Variants in ANAPC7 observed in about 807,000 individuals in gnomAD.
The protein encoded by ANAPC7 is anaphase-promoting complex subunit 7.
ANAPC7 carries 25 observed loss-of-function variants against 63.3 expected under a neutral mutation model. The observed-to-expected ratio is 0.39, with a 90% confidence interval of 0.29 to 0.55. ANAPC7 has a LOEUF of 0.55. ANAPC7 is among the 20% of genes least tolerant of loss of function. ANAPC7 has a pLI of 0.57. For synonymous variants in ANAPC7, 241 were observed against 251.7 expected (o/e 0.96, Z 0.40); for missense variants, 516 against 691.7 (o/e 0.75, Z 2.85).
intron 9 of ANAPC7, 121 bp from the exon 10 acceptor site, chr12:110,376,337 C>T: frequency 9.2e-7 from 1 of 1,083,606 alleles, no homozygotes; most frequent in East Asian, 2.5e-5. Context: ...CGAGGGCAAG[C>T]ACACCTGAAG....
chr12:110,396,513 CTTCT>C (rs1384044357), intron 1 of ANAPC7, 61 bp from the exon 2 acceptor site: 62 of 1,342,022 alleles, frequency 4.6e-5, no homozygotes, highest in East Asian at 2.5e-5. Context: ...GCTCCCCCAG[CTTCT>C]TTTTTTTTTT....
At chr12:110,389,038 C>T (rs1021286230) in intron 3 of ANAPC7, among the ~76,000 whole-genome samples, 11 of 148,332 alleles carry the variant, frequency 7.4e-5, no homozygotes, top group African/African-American at 2.3e-4. Flanking sequence ...ACCGACATCA[C>T]GCCACTGCAC....
At chr12:110,401,178 T>C (rs1592934379) in intron 1 of ANAPC7, among the ~76,000 whole-genome samples, 2 of 152,198 alleles carry the variant, frequency 1.3e-5, no homozygotes, top group Admixed American at 1.3e-4. Flanking sequence ...GGCCAAACAC[T>C]AATACATCTA....
In ANAPC7 at chr12:110,384,978, C is replaced by T. The variant is rs192316415; in HGVS notation, c.817+1349G>A. On this transcript the variant is annotated intron_variant, in intron 6 of 10. Coordinates refer to ENST00000455511, the MANE Select transcript of ANAPC7 (RefSeq NM_016238.3). ...AATGCAGTTCATTAAAGATCACTGC[C>T]TCGGGCTGGGTGCAGTGGCTCAGGC... is the stretch of plus-strand genomic sequence containing the variant. Among the ~76,000 whole-genome samples the T allele has an allele frequency of 1.3e-3, 204 of 152,256 alleles. 1 individual carries two copies. The highest frequency in any genetic ancestry group is 2.7e-3 in the South Asian group (13 of 4,828).
At chr12:110,383,892 A>AG (rs1388816554) in intron 6 of ANAPC7, among the ~76,000 whole-genome samples, 16 of 131,692 alleles carry the variant, frequency 1.2e-4, no homozygotes, top group Non-Finnish European at 4.8e-5. Flanking sequence ...AAAAAAAAAA[A>AG]AAAAAAGAAA....
At chr12:110,378,959 A>T (rs1472037402) in intron 8 of ANAPC7, 1 of 151,786 alleles carries the variant, frequency 6.6e-6, no homozygotes, top group Admixed American at 6.6e-5. Flanking sequence ...CCTGGGTTCA[A>T]GCAATTCTCC....
chr12:110,380,275 C>T (rs1185650842), intron 8 of ANAPC7, among the ~76,000 whole-genome samples: 2 of 151,878 alleles, frequency 1.3e-5, no homozygotes, highest in African/African-American at 4.8e-5. Flanking sequence ...CACTTAAACC[C>T]GGCAAGTGGA....
chr12:110,397,790 G>A (rs538130688), intron 1 of ANAPC7, among the ~76,000 whole-genome samples: 1 of 152,064 alleles, frequency 6.6e-6, no homozygotes, highest in Admixed American at 6.6e-5. Flanking sequence ...ACCTACTCGG[G>A]AGGTTGAGAC....
intron 1 of ANAPC7, among the ~76,000 whole-genome samples, chr12:110,398,059 A>G (rs970953590): frequency 1.3e-5 from 2 of 152,014 alleles, no homozygotes; most frequent in Non-Finnish European, 2.9e-5. Flanking sequence ...TAGCCTGGCC[A>G]ATAAGGTGAA....
Position 110,381,827 on chromosome 12 carries a change from C to G in ANAPC7, c.1057G>C (p.Gly353Arg). ...TGGATTATTGCTTCTTGGACTCTGC[C>G]CATGTTCCTAAGTGCTGCTCCCTTA... The part of the protein sequence containing the change: ...LLKGAALRNM[G>R]RVQEAIIHFR... Residue 353 changes from glycine (G) to arginine (R), a missense_variant, in exon 8 of 11, where the codon GGC becomes CGC. Gly to Arg is a moderately radical substitution (Grantham distance 125). Around this residue, in one of 4 missense-constraint regions of ANAPC7, gnomAD observed 199 missense variants for 249.3 expected, o/e 0.80. Coordinates refer to ENST00000455511, the MANE Select transcript of ANAPC7 (RefSeq NM_016238.3). 9 of 1,613,968 alleles carry G rather than the reference C, an allele frequency of 5.6e-6. No homozygotes were observed. The highest frequency in any genetic ancestry group is 7.6e-6 in the Non-Finnish European group (9 of 1,180,008).
chr12:110,402,950 C>T (rs2062253672), intron 1 of ANAPC7, among the ~76,000 whole-genome samples: 1 of 151,476 alleles, frequency 6.6e-6, no homozygotes, highest in Admixed American at 6.6e-5. Context: ...CTATGTTGCC[C>T]AGGTTGGTCT....
chr12:110,395,731 C>T (rs149357519), intron 2 of ANAPC7, among the ~76,000 whole-genome samples: 3 of 151,980 alleles, frequency 2.0e-5, no homozygotes, highest in East Asian at 1.9e-4. Flanking sequence ...GTAGAGACGG[C>T]GTTTCACCGT....
Position 110,376,184 on chromosome 12 carries a change from A to G in ANAPC7, c.1390T>C (p.Leu464=). Residue 464 remains leucine, a synonymous_variant, in exon 10 of 11, where the codon TTG becomes CTG. Transcript: ENST00000455511. The part of the protein sequence containing the change: ...REQKYEDGIA[L]LRNALANQSD... The stretch of plus-strand genomic sequence containing the variant: ...TGATTAGCCAGTGCGTTCCTCAGCA[A>G]AGCAATTCCATCTTCATATTTCTGT... 1.9e-6 allele frequency: 3 copies of G among 1,614,188 alleles called. No homozygotes were observed. Among genetic ancestry groups the G allele is most frequent in the South Asian group, 2.2e-5 (2 of 91,082 alleles).
rs756144574 is a variant in ANAPC7 at position 110,377,635 on chromosome 12, C to G, written c.1133-18G>C. The stretch of plus-strand genomic sequence containing the variant: ...GATAAGACCTGAAAAAAGTAAAACA[C>G]GTGAAGACATTCAATGCCATTACCA... On this transcript the variant is annotated intron_variant, in intron 8 of 10. Transcript: ENST00000455511. The G allele has an allele frequency of 2.5e-6, 4 of 1,613,898 alleles. No homozygotes were observed. The African/African-American group carries it at 5.3e-5, about 22-fold the overall frequency.
chr12:110,403,664 T>G lies in ANAPC7; in HGVS notation c.-37A>C. On this transcript the variant is annotated 5_prime_UTR_variant, in exon 1 of 11. Transcript: ENST00000455511. ...AAGCCGCGGGCAGCGGCGGCAGCACTGACTCGAAAAGCCGGTAGAGGATCC... is the reference window on the plus strand; with the variant it reads ...AAGCCGCGGGCAGCGGCGGCAGCACGGACTCGAAAAGCCGGTAGAGGATCC... The G allele has an allele frequency of 6.4e-7, 1 of 1,565,256 alleles. No individual in the cohort carries two copies. Among genetic ancestry groups the G allele is most frequent in the South Asian group, 1.2e-5 (1 of 85,674 alleles).
In ANAPC7 at chr12:110,376,826, A is replaced by G. The variant is rs148536135; in HGVS notation, c.1357+567T>C. On this transcript the variant is annotated intron_variant, in intron 9 of 10. Transcript: ENST00000455511. The stretch of plus-strand genomic sequence containing the variant: ...ACTAATTCAGGACAACTCAAACCAG[A>G]TAACAGTGAGCCGAGGCTGGGCACG... 2.0e-3 allele frequency among the ~76,000 whole-genome samples: 303 copies of G among 151,986 alleles called. 3 individuals carry two copies. Among genetic ancestry groups the G allele is most frequent in the Middle Eastern group, 6.9e-3 (2 of 290 alleles).
At chr12:110,387,630 C>G (rs1592912798) in intron 5 of ANAPC7, 109 bp downstream of exon 5, 3 of 1,303,206 alleles carry the variant, frequency 2.3e-6, no homozygotes. Context: ...AGACTGGCTG[C>G]AGCACCAACA....
chr12:110,374,126 C>A lies in ANAPC7; in HGVS notation c.*18G>T. On this transcript the variant is annotated 3_prime_UTR_variant, in exon 11 of 11. Transcript: ENST00000455511. ...TCAGAGCAGGGCAGGCCACTGCGGC[C>A]ATGGAGCTGCCGCCCCCTCACTGCA... The A allele has an allele frequency of 1.3e-6, 2 of 1,598,408 alleles. No individual in the cohort carries two copies. Among genetic ancestry groups the A allele is most frequent in the Admixed American group, 1.7e-5 (1 of 59,450 alleles).
intron 7 of ANAPC7, among the ~76,000 whole-genome samples, chr12:110,382,454 AAAAAAAAATATATAT>A (rs1188382864): frequency 2.6e-4 from 24 of 93,642 alleles, no homozygotes; most frequent in African/African-American, 7.1e-4. Context: ...AAAAAAAAAA[AAAAAAAAATATATAT>A]ATATATATAT....
Sources: allele counts gnomAD v4.1 joint callset (sites outside exome capture counted in the v4.1 genomes callset), GRCh38; gene constraint gnomAD v4.1.1; regional missense constraint gnomAD v4.1.1; transcripts MANE v1.5; gene names NCBI Gene and HGNC (gene_info 2026-07-23, HGNC 2026-07-21).